SCFD2: variants seen among roughly 807,000 people sequenced by gnomAD.
SCFD2 encodes sec1 family domain containing 2.
SCFD2 carries 54 observed loss-of-function variants against 58.9 expected under a neutral mutation model. The observed-to-expected ratio is 0.92, with a 90% confidence interval of 0.74 to 1.15. The LOEUF (loss-of-function observed/expected upper bound fraction) is 1.15, where lower values mean the gene tolerates loss of function less well. Among genes scored for constraint, SCFD2 ranks in the 50% most tolerant of loss-of-function variants. The pLI is 0.00. For missense variants in SCFD2, 805 were observed against 836.6 expected, an observed-to-expected ratio of 0.96 and a Z score of 0.47; for synonymous variants, 321 against 335.9, an observed-to-expected ratio of 0.96 and a Z score of 0.49.
chr4:53,012,578 C>T (rs1722120453), intron 5 of SCFD2, among the ~76,000 whole-genome samples: 2 of 152,102 alleles, frequency 1.3e-5, no homozygotes, highest in Admixed American at 6.6e-5. Flanking sequence ...ATATTCTTTT[C>T]TCTCTTTATT....
chr4:53,007,073 G>C (rs1315355597), intron 5 of SCFD2, among the ~76,000 whole-genome samples: 2 of 151,962 alleles, frequency 1.3e-5, no homozygotes, highest in Non-Finnish European at 2.9e-5. Context: ...CTGAGGTCTG[G>C]AGTTTGAGAC....
At chr4:53,035,528 G>A (rs1365886163) in intron 5 of SCFD2, among the ~76,000 whole-genome samples, 14 of 152,172 alleles carry the variant, frequency 9.2e-5, no homozygotes, top group Non-Finnish European at 2.9e-5. Flanking sequence ...TATCATCAGA[G>A]TGAACAGGTA....
chr4:53,294,298 A>T (rs1731945782), intron 3 of SCFD2, among the ~76,000 whole-genome samples: 1 of 152,216 alleles, frequency 6.6e-6, no homozygotes. Flanking sequence ...CATCCTCTCC[A>T]GCATCTGTTG....
At chr4:53,124,615 TAAAG>T (rs1332070785) in intron 5 of SCFD2, among the ~76,000 whole-genome samples, 3 of 152,186 alleles carry the variant, frequency 2.0e-5, no homozygotes, top group Non-Finnish European at 2.9e-5. Flanking sequence ...CAAAGTTTTA[TAAAG>T]AAAGAATATT....
chr4:53,241,063 C>T (rs1729877325), intron 4 of SCFD2, among the ~76,000 whole-genome samples: 1 of 152,152 alleles, frequency 6.6e-6, no homozygotes, highest in South Asian at 2.1e-4. Flanking sequence ...CTACCAGCAC[C>T]AGGACTTATT....
chr4:53,278,290 C>T (rs909274936), intron 3 of SCFD2, among the ~76,000 whole-genome samples: 3 of 150,760 alleles, frequency 2.0e-5, no homozygotes, highest in African/African-American at 4.9e-5. Context: ...CACTTGAACC[C>T]GGGAGGTGGA....
intron 4 of SCFD2, among the ~76,000 whole-genome samples, chr4:53,201,778 A>G (rs1349523108): frequency 2.0e-5 from 3 of 152,176 alleles, no homozygotes; most frequent in Non-Finnish European, 4.4e-5. Flanking sequence ...ATGGCCAGTG[A>G]TGATGAGCAT....
At chr4:53,129,964 G>C (rs750855283) in intron 5 of SCFD2, among the ~76,000 whole-genome samples, 2 of 152,082 alleles carry the variant, frequency 1.3e-5, no homozygotes, top group Non-Finnish European at 2.9e-5. Context: ...TTTTCTCTGG[G>C]TAGTGGGTTT....
At chr4:53,137,104 T>G (rs60967961) in intron 5 of SCFD2, among the ~76,000 whole-genome samples, 1 of 152,222 alleles carries the variant, frequency 6.6e-6, no homozygotes, top group African/African-American at 2.4e-5. Context: ...ACAGAATCCT[T>G]ACTTTGTTTA....
chr4:52,953,419 T>A (rs1720645213), intron 5 of SCFD2, among the ~76,000 whole-genome samples: 1 of 152,176 alleles, frequency 6.6e-6, no homozygotes, highest in African/African-American at 2.4e-5. Context: ...GATAGACAAG[T>A]TCACAGACAG....
chr4:53,316,847 C>T (rs1250354512), intron 2 of SCFD2, among the ~76,000 whole-genome samples: 1 of 152,144 alleles, frequency 6.6e-6, no homozygotes, highest in African/African-American at 2.4e-5. Flanking sequence ...CAGTGGCTCA[C>T]ACCTGTAATT....
At chr4:53,155,412 G>T (rs566278117) in intron 4 of SCFD2, among the ~76,000 whole-genome samples, 2 of 152,080 alleles carry the variant, frequency 1.3e-5, no homozygotes, top group Admixed American at 6.5e-5. Flanking sequence ...CAGCAAAAAG[G>T]CCTCACCAAA....
At chr4:53,007,672 A>C (rs1465711044) in intron 5 of SCFD2, among the ~76,000 whole-genome samples, 2 of 152,234 alleles carry the variant, frequency 1.3e-5, no homozygotes, top group African/African-American at 4.8e-5. Flanking sequence ...AGTGTGGCTT[A>C]ACAGCACCTG....
At chr4:52,897,470 C>T (rs1360113385) in intron 7 of SCFD2, among the ~76,000 whole-genome samples, 1 of 152,178 alleles carries the variant, frequency 6.6e-6, no homozygotes, top group Non-Finnish European at 1.5e-5. Flanking sequence ...TATTGATTTT[C>T]ATATGTTGAA....
chr4:53,194,932 A>G (rs539421078), intron 4 of SCFD2, among the ~76,000 whole-genome samples: 20 of 152,358 alleles, frequency 1.3e-4, no homozygotes, highest in African/African-American at 4.1e-4. Context: ...TGCTGATAAA[A>G]AGTCAATGGA....
chr4:53,144,368 C>T (rs765625539), intron 5 of SCFD2, among the ~76,000 whole-genome samples: 1 of 149,794 alleles, frequency 6.7e-6, no homozygotes, highest in East Asian at 2.0e-4. Flanking sequence ...GTTATATATA[C>T]ACACGTGTGT....
At chr4:52,975,945 T>G (rs1721248596) in intron 5 of SCFD2, among the ~76,000 whole-genome samples, 1 of 145,596 alleles carries the variant, frequency 6.9e-6, no homozygotes, top group Non-Finnish European at 1.5e-5. Context: ...ACACCACATG[T>G]TCTCACTCAT....
intron 5 of SCFD2, among the ~76,000 whole-genome samples, chr4:52,946,265 C>G (rs1459790656): frequency 6.6e-6 from 1 of 151,774 alleles, no homozygotes; most frequent in Non-Finnish European, 1.5e-5. Context: ...GATTATCAGC[C>G]GTGAACATCA....
chr4:53,313,133 T>C (rs1732740579), intron 3 of SCFD2, among the ~76,000 whole-genome samples: 1 of 152,146 alleles, frequency 6.6e-6, no homozygotes, highest in Non-Finnish European at 1.5e-5. Context: ...ATGTAATTCC[T>C]GGTGAAGAAG....
Sources: gnomAD v4.1 joint callset for allele counts (sites outside exome capture counted in the v4.1 genomes callset) on GRCh38, gnomAD v4.1.1 for gene constraint, MANE v1.5 for transcripts, NCBI Gene and HGNC (gene_info 2026-07-23, HGNC 2026-07-21) for gene names.